The following GULP1 variants were observed in gnomAD, a reference collection of about 807,000 sequenced individuals.
GULP1 encodes PTB domain-containing engulfment adapter protein 1.
In GULP1, 19 loss-of-function variants were observed where a neutral mutation model predicts 40.9. The ratio of observed to expected loss-of-function variants is 0.46; its 90% confidence interval spans 0.32 to 0.68. The LOEUF is 0.68. Ranked by LOEUF, GULP1 falls within the 30% of genes least tolerant of loss-of-function variation. The pLI is 0.03. For missense variants in GULP1, 312 were observed against 362.2 expected, an observed-to-expected ratio of 0.86 and a Z score of 1.12; for synonymous variants, 119 against 117.6, an observed-to-expected ratio of 1.01 and a Z score of -0.08.
At chr2:188,485,666 C>T (rs990114162) in intron 4 of GULP1, among the ~76,000 whole-genome samples, 3 of 152,000 alleles carry the variant, frequency 2.0e-5, no homozygotes, top group Admixed American at 1.3e-4. Context: ...GACTCCAACA[C>T]TTATTTACTG....
At chr2:188,384,459 G>A (rs2049406601) in intron 2 of GULP1, 1 of 152,168 alleles carries the variant, frequency 6.6e-6, no homozygotes, top group Non-Finnish European at 1.5e-5. Context: ...GGAATTGTGG[G>A]AGGTACAAAT....
At chr2:188,550,520 A>C (rs1172427615) in intron 7 of GULP1, among the ~76,000 whole-genome samples, 1 of 151,702 alleles carries the variant, frequency 6.6e-6, no homozygotes, top group Non-Finnish European at 1.5e-5. Flanking sequence ...CCAATAAACA[A>C]ATGAAATTAT....
chr2:188,298,339 T>G (rs1156870505), intron 1 of GULP1, among the ~76,000 whole-genome samples: 3 of 151,666 alleles, frequency 2.0e-5, no homozygotes, highest in African/African-American at 7.2e-5. Context: ...AATTTATCTC[T>G]ATGCTGAATA....
At chr2:188,296,113 A>G (rs1304127627) in intron 1 of GULP1, among the ~76,000 whole-genome samples, 1 of 152,126 alleles carries the variant, frequency 6.6e-6, no homozygotes, top group Non-Finnish European at 1.5e-5. Context: ...TAAACGTATT[A>G]GAGGCTGGTG....
At chr2:188,488,647 C>T (rs1401245629) in intron 4 of GULP1, among the ~76,000 whole-genome samples, 4 of 152,002 alleles carry the variant, frequency 2.6e-5, no homozygotes, top group Non-Finnish European at 5.9e-5. Flanking sequence ...GCAGTGACCA[C>T]TCTGAAAGGT....
At chr2:188,335,870 G>T (rs1483402357) in intron 1 of GULP1, among the ~76,000 whole-genome samples, 1 of 152,186 alleles carries the variant, frequency 6.6e-6, no homozygotes. Context: ...TTTTGGTTGT[G>T]TGAAAGTGGG....
chr2:188,507,396 C>CTTTTT (rs5837091), intron 4 of GULP1, among the ~76,000 whole-genome samples: 117 of 103,352 alleles, frequency 1.1e-3, no homozygotes, highest in Non-Finnish European at 1.3e-3. Flanking sequence ...CATTTGTTTT[C>CTTTTT]TTTTTTTTTT....
intron 2 of GULP1, among the ~76,000 whole-genome samples, chr2:188,397,839 C>A (rs369932808): frequency 2.6e-5 from 4 of 152,292 alleles, no homozygotes; most frequent in African/African-American, 9.6e-5. Flanking sequence ...AACAATCAAT[C>A]CAAAGAAGAA....
chr2:188,472,624 C>A (rs777859986), intron 2 of GULP1, among the ~76,000 whole-genome samples: 17 of 152,056 alleles, frequency 1.1e-4, no homozygotes, highest in Non-Finnish European at 2.4e-4. Context: ...AATTTCATTT[C>A]TGCTTGATTC....
chr2:188,583,906 A>G (rs959553265), intron 9 of GULP1, among the ~76,000 whole-genome samples: 4 of 152,210 alleles, frequency 2.6e-5, no homozygotes, highest in African/African-American at 9.6e-5. Flanking sequence ...TCATATTTTT[A>G]CATGAATAGT....
At chr2:188,418,133 T>A (rs906712842) in intron 2 of GULP1, among the ~76,000 whole-genome samples, 3 of 152,112 alleles carry the variant, frequency 2.0e-5, no homozygotes, top group Non-Finnish European at 4.4e-5. Context: ...TTAAAAAAAA[T>A]TAAATTGAGG....
intron 2 of GULP1, among the ~76,000 whole-genome samples, chr2:188,432,803 G>A (rs1017881535): frequency 1.3e-5 from 2 of 151,934 alleles, no homozygotes; most frequent in African/African-American, 2.4e-5. Context: ...TAATTTTTGA[G>A]TACTCTATTT....
At chr2:188,535,759 G>T (rs758868206) in intron 6 of GULP1, among the ~76,000 whole-genome samples, 1 of 152,054 alleles carries the variant, frequency 6.6e-6, no homozygotes, top group African/African-American at 2.4e-5. Flanking sequence ...TAAGTTCCTT[G>T]GGAAATCTCC....
At chr2:188,432,318 A>G (rs1320850376) in intron 2 of GULP1, among the ~76,000 whole-genome samples, 2 of 151,790 alleles carry the variant, frequency 1.3e-5, no homozygotes, top group Non-Finnish European at 2.9e-5. Flanking sequence ...TTTATTTTTA[A>G]TAGTTTACCT....
At chr2:188,303,772 A>G (rs930398466) in intron 1 of GULP1, among the ~76,000 whole-genome samples, 1 of 152,190 alleles carries the variant, frequency 6.6e-6, no homozygotes, top group Non-Finnish European at 1.5e-5. Flanking sequence ...ACTTGTGCAT[A>G]TTAGTTTTTT....
intron 4 of GULP1, among the ~76,000 whole-genome samples, chr2:188,505,476 T>C (rs2063811815): frequency 6.6e-6 from 1 of 151,828 alleles, no homozygotes; most frequent in Non-Finnish European, 1.5e-5. Context: ...AAGCATATTA[T>C]AATATACAGA....
At chr2:188,530,653 G>A (rs1372613776) in intron 6 of GULP1, among the ~76,000 whole-genome samples, 1 of 152,100 alleles carries the variant, frequency 6.6e-6, no homozygotes, top group Admixed American at 6.6e-5. Context: ...CAAAGAGAGA[G>A]GCCCCAGAGA....
At chr2:188,399,883 G>C (rs1429542531) in intron 2 of GULP1, among the ~76,000 whole-genome samples, 2 of 152,024 alleles carry the variant, frequency 1.3e-5, no homozygotes, top group African/African-American at 2.4e-5. Flanking sequence ...CCTATCATAT[G>C]TCAATTGCTA....
intron 1 of GULP1, among the ~76,000 whole-genome samples, chr2:188,310,944 T>C (rs539875133): frequency 6.6e-6 from 1 of 152,352 alleles, no homozygotes; most frequent in African/African-American, 2.4e-5. Flanking sequence ...GTGTTAAAGA[T>C]GAAATTGTAT....
Sources: gnomAD v4.1 joint callset for allele counts (sites outside exome capture counted in the v4.1 genomes callset) on GRCh38, gnomAD v4.1.1 for gene constraint, MANE v1.5 for transcripts, NCBI Gene and HGNC (gene_info 2026-07-23, HGNC 2026-07-21) for gene names.